Variants in ABCB5 observed in about 807,000 individuals in gnomAD.
ABCB5 encodes the protein ATP binding cassette subfamily B member 5, also known as ATP-binding cassette sub-family B member 5.
In ABCB5, 155 loss-of-function variants were observed where a neutral mutation model predicts 144.2. The ratio of observed to expected loss-of-function variants is 1.08; its 90% CI spans 0.94 to 1.23. The LOEUF is 1.23. ABCB5 is among the 50% of genes most tolerant of loss of function. The pLI, the probability that ABCB5 is intolerant of heterozygous loss-of-function variation, is 0.00. For synonymous variants in ABCB5, 610 were observed against 528.6 expected (o/e 1.15, Z -2.11); for missense variants, 1,830 against 1,520.8 (o/e 1.20, Z -3.38).
intron 14 of ABCB5, among the ~76,000 whole-genome samples, chr7:20,680,995 TTTCTTTCTTTCTTTC>T (rs1785780093): frequency 5.6e-5 from 1 of 17,982 alleles, no homozygotes; most frequent in African/African-American, 2.0e-4. Flanking sequence ...TCTTTCTTTC[TTTCTTTCTTTCTTTC>T]TTTCTTTCTT....
At chr7:20,723,360 A>G in intron 21 of ABCB5, 141 bp downstream of exon 21, 1 of 896,254 alleles carries the variant, frequency 1.1e-6, no homozygotes, top group South Asian at 1.7e-5. Flanking sequence ...AGTGATATGT[A>G]TAGAGAGAGA....
At position 20,755,764 on chromosome 7, in the gene ABCB5, T is replaced by C. The variant is rs963324342; in HGVS notation, c.*140T>C. 3 of 804,544 alleles carry C rather than the reference T, an allele frequency of 3.7e-6. No individual in the cohort carries two copies. The African/African-American group carries it at 5.2e-5, about 14-fold the overall frequency. The allele number at this position is 804,544 out of a possible 1,614,324, so 49.8% of individuals were successfully genotyped here. On this transcript the variant is annotated 3_prime_UTR_variant, in exon 28 of 28. Transcript: ENST00000404938. ...CTACTCAAGTACATACATGTTCTAT[T>C]CACACACCATCTGACCTTCAGATTT...
At position 20,692,970 on chromosome 7, in the gene ABCB5, T is replaced by C. The variant is rs117506161; in HGVS notation, c.2011-5437T>C. 1.4e-3 allele frequency among the ~76,000 whole-genome samples: 215 copies of C among 152,216 alleles called. 1 individual carries two copies. The highest frequency in any genetic ancestry group is 2.5e-3 in the Non-Finnish European group (171 of 67,978). On this transcript the variant is annotated intron_variant, in intron 16 of 27. Coordinates refer to ENST00000404938, the MANE Select transcript of ABCB5 (RefSeq NM_001163941.2). ...ACTAAATCTTAGTAGAACAAGTAAA[T>C]AGAAATTCGGCAGAAACATAGATGA...
At position 20,743,073 on chromosome 7, in the gene ABCB5, T is replaced by G; in HGVS notation, c.3221T>G (p.Val1074Gly). 2 of 1,613,736 alleles carry G rather than the reference T, an allele frequency of 1.2e-6. No individual in the cohort carries two copies. The highest frequency in any genetic ancestry group is 1.7e-6 in the Non-Finnish European group (2 of 1,179,774). The part of the protein sequence containing the change: ...QRLYDPVQGQ[V>G]LFDGVDAKEL... The stretch of plus-strand genomic sequence containing the variant: ...CTTTATGACCCCGTGCAAGGACAAG[T>G]GGTAAGACAGAACTGAAACACACCT... The change falls in exon 25 of 28, where the codon GTG becomes GGG. Residue 1074 changes from valine to glycine, a missense_variant and splice_region_variant. Transcript: ENST00000404938.
At chr7:20,752,665 G>A (rs918880984) in intron 26 of ABCB5, among the ~76,000 whole-genome samples, 1 of 152,122 alleles carries the variant, frequency 6.6e-6, no homozygotes, top group African/African-American at 2.4e-5. Flanking sequence ...TGGCCAACGT[G>A]GTGAAACCTC....
At chr7:20,626,489 A>ATT (rs1175069740) in intron 2 of ABCB5, 68 bp from the exon 3 acceptor site, 2 of 1,431,614 alleles carry the variant, frequency 1.4e-6, no homozygotes, top group African/African-American at 2.8e-5. Flanking sequence ...TCTGCAAACT[A>ATT]TTAATGGAAA....
chr7:20,751,181 G>A (rs1054961297), intron 26 of ABCB5, among the ~76,000 whole-genome samples: 1 of 152,212 alleles, frequency 6.6e-6, no homozygotes, highest in African/African-American at 2.4e-5. Context: ...GGTGATTTCG[G>A]GGCACTCACC....
Position 20,723,051 on chromosome 7 carries a change from T to C in ABCB5, c.2457T>C (p.Asn819=). The C allele has an allele frequency of 6.2e-7, 1 of 1,614,140 alleles. No individual in the cohort carries two copies. ...TGSRIGVLTQ[N]ATNMGLSVII... is the part of the protein sequence containing the mutation. ...CCAGGATTGGCGTCTTAACACAAAA[T>C]GCAACTAACATGGGACTTTCAGTTA... The change falls in exon 21 of 28, where the codon AAT becomes AAC. Residue 819 remains asparagine (N), a synonymous_variant. Transcript: ENST00000404938.
intron 13 of ABCB5, among the ~76,000 whole-genome samples, chr7:20,657,318 TAA>T (rs34999687): frequency 6.6e-6 from 1 of 151,902 alleles, no homozygotes; most frequent in African/African-American, 2.4e-5. Context: ...ATACTTATAC[TAA>T]AAAAAACTCA....
chr7:20,722,015 A>G (rs189382827), intron 20 of ABCB5, among the ~76,000 whole-genome samples: 11 of 152,232 alleles, frequency 7.2e-5, no homozygotes, highest in African/African-American at 2.7e-4. Flanking sequence ...AGTATTTATT[A>G]AAATATTGAT....
chr7:20,723,010 T>C lies in ABCB5; in HGVS notation c.2422-6T>C. 1.9e-6 allele frequency: 3 copies of C among 1,613,898 alleles called. No homozygotes were observed. The highest frequency in any genetic ancestry group is 2.2e-5 in the East Asian group (1 of 44,872). ...GTTTTTTCCCCCAAAATATGTCTGA[T>C]TATAGGCAACAGGTTCCAGGATTGG... On this transcript the variant is annotated splice_region_variant and splice_polypyrimidine_tract_variant and intron_variant, in intron 20 of 27. Transcript: ENST00000404938.
chr7:20,667,020 C>A, intron 14 of ABCB5: 2 of 629,430 alleles, frequency 3.2e-6, no homozygotes, highest in Non-Finnish European at 4.5e-6. Flanking sequence ...TTTTAGGTCA[C>A]ATGAATGATC....
rs1337581011 is a variant in ABCB5 at position 20,667,639 on chromosome 7, C to G, written c.1707+8963C>G. On this transcript the variant is annotated intron_variant, in intron 14 of 27. Coordinates refer to ENST00000404938, the MANE Select transcript of ABCB5 (RefSeq NM_001163941.2). Reference sequence around the variant, plus strand: ...TGGCTTCATGAATAAGATTTGAGATCTGTTTGCTTTTGGAAAATAACATTC... The same window carrying G: ...TGGCTTCATGAATAAGATTTGAGATGTGTTTGCTTTTGGAAAATAACATTC... 1.6e-5 allele frequency: 13 copies of G among 827,968 alleles called. 1 individual carries two copies. Among genetic ancestry groups the G allele is most frequent in the Admixed American group, 6.2e-5 (1 of 16,018 alleles). 51.3% of individuals were successfully genotyped at this position (827,968 alleles called of 1,614,324 possible).
intron 14 of ABCB5, among the ~76,000 whole-genome samples, chr7:20,679,906 C>T (rs113893779): frequency 0.029 from 4,381 of 152,184 alleles, 163 homozygotes; most frequent in African/African-American, 0.081. Flanking sequence ...AGCAATTCCT[C>T]TCCTAGGTGT....
intron 26 of ABCB5, among the ~76,000 whole-genome samples, chr7:20,747,848 T>A (rs2128056715): frequency 1.3e-5 from 2 of 152,252 alleles, no homozygotes; most frequent in South Asian, 4.1e-4. Flanking sequence ...TCAAATCAGA[T>A]AATTCCTAGA....
At chr7:20,708,539 A>G (rs750150157) in intron 20 of ABCB5, among the ~76,000 whole-genome samples, 2 of 152,182 alleles carry the variant, frequency 1.3e-5, no homozygotes, top group Non-Finnish European at 2.9e-5. Flanking sequence ...CCTTGAATTC[A>G]TAATATTGCA....
chr7:20,636,782 CAAAA>C (rs35824075), intron 5 of ABCB5, among the ~76,000 whole-genome samples: 7,119 of 74,158 alleles, frequency 0.096, 505 homozygotes, highest in African/African-American at 0.27. Flanking sequence ...AAGACTCCAT[CAAAA>C]AAAAAAAAAA....
chr7:20,647,487 T>C, intron 9 of ABCB5, 48 bp from the exon 10 acceptor site: 1 of 1,510,782 alleles, frequency 6.6e-7, no homozygotes. Context: ...CTATTGTCTT[T>C]CTTATATAAC....
In ABCB5 at chr7:20,650,074, T is replaced by C. The variant is rs749280781; in HGVS notation, c.1259T>C (p.Val420Ala). ...RIKSGETVAL[V>A]GLNGSGKSTV... ...AAGTCTGGAGAGACAGTCGCCTTGG[T>C]CGGTCTCAATGGCAGTGGGAAGAGT... Residue 420 changes from valine (V) to alanine (A), a missense_variant, in exon 12 of 28, where the codon GTC becomes GCC. Val to Ala is a moderately conservative substitution (Grantham distance 64). Coordinates refer to ENST00000404938, the MANE Select transcript of ABCB5 (RefSeq NM_001163941.2). The C allele has an allele frequency of 6.2e-7, 1 of 1,613,518 alleles. No homozygotes were observed. Among genetic ancestry groups the C allele is most frequent in the Admixed American group, 1.7e-5 (1 of 59,942 alleles).
Sources: allele counts gnomAD v4.1 joint callset (sites outside exome capture counted in the v4.1 genomes callset), GRCh38; gene constraint gnomAD v4.1.1; transcripts MANE v1.5; gene names NCBI Gene and HGNC (gene_info 2026-07-23, HGNC 2026-07-21).